The following PITPNM3 variants were observed in gnomAD, a reference collection of about 807,000 sequenced individuals.
PITPNM3 encodes PITPNM family member 3.
A neutral mutation model predicts 102.0 loss-of-function variants in PITPNM3; 26 were observed. The observed-to-expected ratio is 0.25, with a 90% CI of 0.19 to 0.35. PITPNM3 has a LOEUF of 0.35. Ranked by LOEUF, PITPNM3 falls within the 10% of genes least tolerant of loss-of-function variation. The probability of loss-of-function intolerance (pLI) is 1.00; values close to 1 mark genes in which losing one functional copy is unlikely to be tolerated. For missense variants in PITPNM3, 1,083 were observed against 1,346.1 expected (o/e 0.80, Z 3.06); for synonymous variants, 578 against 558.6 (o/e 1.03, Z -0.49).
Position 6,517,495 on chromosome 17 carries a change from C to G in PITPNM3, c.226+7861G>C, listed in dbSNP as rs943705051. Among the ~76,000 whole-genome samples, 1 of 152,120 alleles carries G rather than the reference C, an allele frequency of 6.6e-6. No individual in the cohort carries two copies. Among genetic ancestry groups the G allele is most frequent in the African/African-American group, 2.4e-5 (1 of 41,426 alleles). ...AAAGGTACAAACATCCTTCCCTGTT[C>G]AGGGATAGCATAGATAGAGCTACTG... On this transcript the variant is annotated intron_variant, in intron 3 of 19. Transcript: ENST00000262483. This position sits in a 1 kb window ranked among gnomAD's most constrained non-coding sequence, Gnocchi z 4.1.
intron 4 of PITPNM3, among the ~76,000 whole-genome samples, chr17:6,490,583 C>G (rs1358372016): frequency 6.6e-6 from 1 of 152,112 alleles, no homozygotes; most frequent in Non-Finnish European, 1.5e-5. Context: ...GTGGTTGATT[C>G]CAGCTAGGGG....
chr17:6,457,077 C>T lies in PITPNM3; in HGVS notation c.2619+517G>A, dbSNP rs1250922057. On this transcript the variant is annotated intron_variant, in intron 19 of 19. Transcript: ENST00000262483. This position sits in a 1 kb window ranked among gnomAD's most constrained non-coding sequence, Gnocchi z 4.7. ...GCACTGACCGTTCTAGCCCCGCCCC[C>T]CCACCTCCCAGCTCACGTCCCATGC... 6.6e-6 allele frequency among the ~76,000 whole-genome samples: 1 copy of T among 152,126 alleles called. No homozygotes were observed. The highest frequency in any genetic ancestry group is 1.5e-5 in the Non-Finnish European group (1 of 68,014).
At chr17:6,477,633 C>T (rs1905390504) in intron 8 of PITPNM3, among the ~76,000 whole-genome samples, 1 of 152,186 alleles carries the variant, frequency 6.6e-6, no homozygotes, top group Admixed American at 6.5e-5. Context: ...GCAAACTCCA[C>T]CTCCTGGGTT....
intron 1 of PITPNM3, among the ~76,000 whole-genome samples, chr17:6,538,734 A>C (rs1282635894): frequency 6.6e-6 from 1 of 152,176 alleles, no homozygotes; most frequent in Non-Finnish European, 1.5e-5. Flanking sequence ...TACAATGAGA[A>C]TCCTGGCAGA....
chr17:6,474,022 G>A (rs1261848461), intron 10 of PITPNM3, among the ~76,000 whole-genome samples: 1 of 150,668 alleles, frequency 6.6e-6, no homozygotes, highest in East Asian at 1.9e-4. Context: ...CATGAGCAAA[G>A]GCACCTGAGG....
chr17:6,550,964 C>T (rs566226503), intron 1 of PITPNM3, among the ~76,000 whole-genome samples: 1 of 152,318 alleles, frequency 6.6e-6, no homozygotes, highest in South Asian at 2.1e-4. Flanking sequence ...GCCAGGTCTG[C>T]TGCTGGGATA....
chr17:6,503,653 AG>A (rs1907320864), intron 3 of PITPNM3, 79 bp from the exon 4 acceptor site: 2 of 1,444,446 alleles, frequency 1.4e-6, no homozygotes, highest in Non-Finnish European at 1.9e-6. Flanking sequence ...GGCTGCTTGG[AG>A]CTGCCTCTGA....
At chr17:6,486,415 A>C (rs1384925355) in intron 4 of PITPNM3, among the ~76,000 whole-genome samples, 1 of 152,120 alleles carries the variant, frequency 6.6e-6, no homozygotes, top group Non-Finnish European at 1.5e-5. Context: ...GCACCCTGTC[A>C]ACATCCCCTC....
At chr17:6,555,775 G>A (rs2150689274) in intron 1 of PITPNM3, among the ~76,000 whole-genome samples, 1 of 152,348 alleles carries the variant, frequency 6.6e-6, no homozygotes, top group South Asian at 2.1e-4. Context: ...GAGCCTGGGG[G>A]AGGGCAGAGC....
chr17:6,473,560 T>C (rs993730994), intron 10 of PITPNM3, among the ~76,000 whole-genome samples: 1 of 152,200 alleles, frequency 6.6e-6, no homozygotes, highest in Non-Finnish European at 1.5e-5. Flanking sequence ...CAAGGTGCCC[T>C]GCAGCCTCAG....
rs371589149 is a variant in PITPNM3 at position 6,469,436 on chromosome 17, AACTC to A, written c.1773+820_1773+823del. Among the ~76,000 whole-genome samples the A allele has an allele frequency of 2.4e-3, 362 of 151,532 alleles. No individual in the cohort carries two copies. Among genetic ancestry groups the A allele is most frequent in the African/African-American group, 8.3e-3 (342 of 41,326 alleles). On this transcript the variant is annotated intron_variant, in intron 13 of 19. Transcript: ENST00000262483. The surrounding 1 kb of genome is among the most constrained non-coding windows in gnomAD (Gnocchi z 4.0). Reference sequence around the variant, plus strand: ...CCCACCCCCAAGAACCTACAAACAAAACTCACTTTCCTCCGCCCCCTGCCCAGCC... The same window carrying A: ...CCCACCCCCAAGAACCTACAAACAAAACTTTCCTCCGCCCCCTGCCCAGCC...
chr17:6,472,443 G>T lies in PITPNM3; in HGVS notation c.1429+214C>A, dbSNP rs1026881852. Among the ~76,000 whole-genome samples, 15 of 152,330 alleles carry T rather than the reference G, an allele frequency of 9.8e-5. No homozygotes were observed. The highest frequency in any genetic ancestry group is 3.6e-4 in the African/African-American group (15 of 41,574). ...GCCCTGGCCACAGGAGTGTGTCCGGGAGCCTGTTGGGGGCCTCTGAGCCCC... is the reference window on the plus strand; with the variant it reads ...GCCCTGGCCACAGGAGTGTGTCCGGTAGCCTGTTGGGGGCCTCTGAGCCCC... On this transcript the variant is annotated intron_variant, in intron 11 of 19. Transcript: ENST00000262483. The surrounding 1 kb of genome is among the most constrained non-coding windows in gnomAD (Gnocchi z 4.1).
intron 1 of PITPNM3, among the ~76,000 whole-genome samples, chr17:6,550,759 G>A (rs1324608441): frequency 3.3e-5 from 5 of 152,334 alleles, no homozygotes; most frequent in South Asian, 2.1e-4. Context: ...CCATGTCCTC[G>A]TATTCTGTGT....
At chr17:6,551,338 G>C (rs897178768) in intron 1 of PITPNM3, among the ~76,000 whole-genome samples, 3 of 150,774 alleles carry the variant, frequency 2.0e-5, no homozygotes, top group Non-Finnish European at 4.4e-5. Context: ...CTCCAGCTTC[G>C]GCGACAGAGC....
chr17:6,540,313 C>T (rs1251844110), intron 1 of PITPNM3, among the ~76,000 whole-genome samples: 1 of 152,204 alleles, frequency 6.6e-6, no homozygotes, highest in African/African-American at 2.4e-5. Context: ...AAAAGCCAGC[C>T]TCAGTCAAAT....
intron 19 of PITPNM3, among the ~76,000 whole-genome samples, chr17:6,456,874 C>T (rs1470532007): frequency 6.6e-6 from 1 of 152,200 alleles, no homozygotes; most frequent in African/African-American, 2.4e-5. Flanking sequence ...CATTACCAAA[C>T]CCAATCCATC....
intron 3 of PITPNM3, among the ~76,000 whole-genome samples, chr17:6,508,168 G>A (rs1035102835): frequency 1.3e-5 from 2 of 152,168 alleles, no homozygotes; most frequent in Non-Finnish European, 2.9e-5. Flanking sequence ...ACGCCAGTGC[G>A]CAAGCTTCAC....
chr17:6,473,043 G>A (rs747325479), intron 10 of PITPNM3: 5 of 604,424 alleles, frequency 8.3e-6, no homozygotes, highest in Non-Finnish European at 1.5e-5. Context: ...GTGCTGCACA[G>A]CTGCCCTTCC....
chr17:6,484,490 A>G (rs1905952379), intron 4 of PITPNM3, among the ~76,000 whole-genome samples, 198 bp from the exon 5 acceptor site: 1 of 152,140 alleles, frequency 6.6e-6, no homozygotes, highest in Admixed American at 6.5e-5. Flanking sequence ...CTTTCTCCTC[A>G]TAAGGAAAAG....
Sources: gnomAD v4.1 joint callset for allele counts (sites outside exome capture counted in the v4.1 genomes callset) on GRCh38, gnomAD v4.1.1 for gene constraint, Gnocchi (gnomAD v3.1) non-coding constraint, MANE v1.5 for transcripts, NCBI Gene and HGNC (gene_info 2026-07-23, HGNC 2026-07-21) for gene names.